The following GAK variants were observed in gnomAD, a reference collection of about 807,000 sequenced individuals.
The protein encoded by GAK is cyclin-G-associated kinase.
In GAK, 79 loss-of-function variants were observed where a neutral mutation model predicts 143.9. The ratio of observed to expected loss-of-function variants is 0.55; its 90% CI spans 0.46 to 0.66. The LOEUF is 0.66. Ranked by LOEUF, GAK falls within the 30% of genes least tolerant of loss-of-function variation. The probability of loss-of-function intolerance (pLI) is 0.00; values close to 1 mark genes in which losing one functional copy is unlikely to be tolerated. For missense variants in GAK, 1,693 were observed against 1,779.7 expected (o/e 0.95, Z 0.88); for synonymous variants, 881 against 765.5 (o/e 1.15, Z -2.49).
chr4:870,605 G>A (rs1024516738), intron 19 of GAK, 106 bp downstream of exon 19: 7 of 1,177,576 alleles, frequency 5.9e-6, no homozygotes, highest in Admixed American at 2.3e-5. Flanking sequence ...CCTGGGTGCA[G>A]CAGCAGGCGT....
intron 11 of GAK, chr4:887,950 C>G (rs1400637369): frequency 6.6e-6 from 1 of 152,360 alleles, no homozygotes; most frequent in African/African-American, 2.4e-5. Flanking sequence ...CCCATTCCCT[C>G]ACATGCACAC....
intron 5 of GAK, among the ~76,000 whole-genome samples, chr4:901,102 C>G (rs1423785805): frequency 6.6e-6 from 1 of 152,236 alleles, no homozygotes; most frequent in African/African-American, 2.4e-5. Flanking sequence ...TAGGAGTGTA[C>G]AGCCAAGTAG....
At position 859,555 on chromosome 4, in the gene GAK, ACCT is replaced by A. The variant is rs766586692; in HGVS notation, c.3283+48_3283+50del. 4.4e-6 allele frequency: 7 copies of A among 1,585,908 alleles called. No homozygotes were observed. In the African/African-American group the frequency reaches 8.1e-5, roughly 18 times the overall value. On this transcript the variant is annotated intron_variant, in intron 24 of 27. Transcript: ENST00000314167. ...CTCAGAGTCAGATAGACGAGAATAA[ACCT>A]CCTACAAGGAAACAGCTTCCACACC...
In GAK at chr4:884,091, AATT is replaced by A. The variant is rs558633514; in HGVS notation, c.1206-8_1206-6del. The A allele has an allele frequency of 1.3e-4, 204 of 1,612,800 alleles. No homozygotes were observed. The highest frequency in any genetic ancestry group is 1.6e-4 in the Non-Finnish European group (191 of 1,179,060). On this transcript the variant is annotated splice_region_variant and splice_polypyrimidine_tract_variant and intron_variant, in intron 11 of 27. Coordinates refer to ENST00000314167, the MANE Select transcript of GAK (RefSeq NM_005255.4). ...TCCAGGTCACCCTTTGCATAACTGGAATTAAAAAGAAGAGAACTTGGTTATGAC... is the reference window on the plus strand; with the variant it reads ...TCCAGGTCACCCTTTGCATAACTGGAAAAAAGAAGAGAACTTGGTTATGAC...
rs779199863 is a variant in GAK, at chr4:868,539, C to T, written c.2395G>A (p.Glu799Lys). The T allele has an allele frequency of 6.2e-7, 1 of 1,605,546 alleles. No homozygotes were observed. The highest frequency in any genetic ancestry group is 1.7e-5 in the Admixed American group (1 of 59,756). ...GGCCAGGTCCAGGGACGCTGCCTAC[C>T]CTGCCAGTCCAGCGTGTGCAGGAAG... ...SRFLHTLDWQEEKEAETGAEN... is the reference protein window; with the variant it reads ...SRFLHTLDWQKEKEAETGAEN... The change falls in exon 20 of 28, where the codon GAA (glutamate) becomes AAA (lysine). Residue 799 changes from glutamate to lysine, a missense_variant and splice_region_variant. By Grantham distance (56) the Glu-to-Lys change is moderately conservative (BLOSUM62 1). Transcript: ENST00000314167.
chr4:858,532 C>T (rs1749693338), intron 24 of GAK, among the ~76,000 whole-genome samples: 2 of 152,252 alleles, frequency 1.3e-5, no homozygotes, highest in Admixed American at 1.3e-4. Flanking sequence ...CAACACAAGA[C>T]AGAGGCCACA....
chr4:926,819 C>T (rs1455698781), intron 1 of GAK, among the ~76,000 whole-genome samples: 7 of 151,510 alleles, frequency 4.6e-5, no homozygotes, highest in African/African-American at 1.5e-4. Flanking sequence ...TGCTTACCTG[C>T]GCTCCGCACT....
intron 18 of GAK, among the ~76,000 whole-genome samples, chr4:874,452 T>C (rs995817323): frequency 6.6e-6 from 1 of 152,200 alleles, no homozygotes; most frequent in Non-Finnish European, 1.5e-5. Context: ...CATCCTTAAC[T>C]GGCTTTCATA....
chr4:880,588 C>T (rs542325347), intron 15 of GAK, among the ~76,000 whole-genome samples: 5 of 152,194 alleles, frequency 3.3e-5, no homozygotes, highest in African/African-American at 4.8e-5. Flanking sequence ...CTGAAGGCTT[C>T]ACTCGCCCAC....
rs547156755 is a variant in GAK at position 862,723 on chromosome 4, G to A, written c.3166+2399C>T. On this transcript the variant is annotated intron_variant, in intron 23 of 27. Coordinates refer to ENST00000314167, the MANE Select transcript of GAK (RefSeq NM_005255.4). ...CATAGAAATGGCACAGCAAAGCCTG[G>A]ATGGCAGCCATCTGTGTACAGCATG... 2.6e-5 allele frequency among the ~76,000 whole-genome samples: 4 copies of A among 152,034 alleles called. No homozygotes were observed. In the East Asian group the frequency reaches 7.7e-4, roughly 29 times the overall value.
intron 5 of GAK, among the ~76,000 whole-genome samples, chr4:902,649 GGAGGAC>G (rs1036468803): frequency 7.2e-6 from 1 of 139,014 alleles, no homozygotes; most frequent in African/African-American, 2.8e-5. Flanking sequence ...GCCTCAGCAC[GGAGGAC>G]GAGGCCCACC....
At chr4:926,008 C>T (rs934352758) in intron 1 of GAK, among the ~76,000 whole-genome samples, 5 of 151,692 alleles carry the variant, frequency 3.3e-5, no homozygotes, top group Non-Finnish European at 4.4e-5. Context: ...TGAGCCCACC[C>T]GGGGGTCGTC....
rs1327406048 is a variant in GAK, at chr4:851,922, C to T, written c.3336G>A (p.Thr1112=). The change falls in exon 25 of 28, where the codon ACG becomes ACA. Residue 1112 remains threonine, a synonymous_variant. Coordinates refer to ENST00000314167, the MANE Select transcript of GAK (RefSeq NM_005255.4). ...TCTGCCAGGAGCTGCTGCCTTTGGG[C>T]GTGGTGGCCGTTTTGGGAATGAAGC... The part of the protein sequence containing the change: ...PGGFIPKTAT[T]PKGSSSWQTS... 1.4e-5 allele frequency: 22 copies of T among 1,613,340 alleles called. No homozygotes were observed. The highest frequency in any genetic ancestry group is 4.5e-5 in the East Asian group (2 of 44,878).
At chr4:916,891 C>T (rs1473419923) in intron 1 of GAK, among the ~76,000 whole-genome samples, 1 of 152,248 alleles carries the variant, frequency 6.6e-6, no homozygotes, top group Non-Finnish European at 1.5e-5. Context: ...GAGACTTCTA[C>T]ACAGCAGCTT....
At chr4:914,397 C>A (rs1722652771) in intron 1 of GAK, among the ~76,000 whole-genome samples, 2 of 119,938 alleles carry the variant, frequency 1.7e-5, no homozygotes, top group South Asian at 3.1e-4. Context: ...GCATGCACGG[C>A]CCCACACACA....
intron 2 of GAK, among the ~76,000 whole-genome samples, chr4:913,149 C>CG (rs1722339156): frequency 6.6e-6 from 1 of 152,244 alleles, no homozygotes; most frequent in African/African-American, 2.4e-5. Context: ...CTCTCAAAGG[C>CG]GGGGCCACCC....
chr4:900,914 G>C (rs1396002511), intron 5 of GAK, among the ~76,000 whole-genome samples: 1 of 152,136 alleles, frequency 6.6e-6, no homozygotes, highest in African/African-American at 2.4e-5. Flanking sequence ...GGGAGCGAAA[G>C]GGCCTGGGGC....
chr4:930,047 T>C (rs1340234915), intron 1 of GAK, among the ~76,000 whole-genome samples: 1 of 152,228 alleles, frequency 6.6e-6, no homozygotes, highest in Non-Finnish European at 1.5e-5. Flanking sequence ...TTCTGAAACC[T>C]GAAAAATTCT....
intron 1 of GAK, among the ~76,000 whole-genome samples, chr4:924,176 C>CAAA (rs71640369): frequency 0.011 from 1,051 of 99,384 alleles, 21 homozygotes; most frequent in Middle Eastern, 0.017. Flanking sequence ...GACTCCCTCT[C>CAAA]AAAAAAAAAA....
Sources: gnomAD v4.1 joint callset for allele counts (sites outside exome capture counted in the v4.1 genomes callset) on GRCh38, gnomAD v4.1.1 for gene constraint, MANE v1.5 for transcripts, NCBI Gene and HGNC (gene_info 2026-07-23, HGNC 2026-07-21) for gene names.